The following SLX4IP variants were observed in gnomAD, a reference collection of about 807,000 sequenced individuals.
SLX4IP encodes protein SLX4IP.
In SLX4IP, 34 loss-of-function variants were observed where a neutral mutation model predicts 32.9. The ratio of observed to expected loss-of-function variants is 1.03; its 90% CI spans 0.79 to 1.38. The LOEUF is 1.38. Among genes scored for constraint, SLX4IP ranks in the 40% most tolerant of loss-of-function variants. SLX4IP has a pLI of 0.00. For missense variants in SLX4IP, 444 were observed against 479.0 expected (o/e 0.93, Z 0.68); for synonymous variants, 172 against 171.7 (o/e 1.00, Z -0.01).
At chr20:10,468,447 ACT>A (rs1204554563) in intron 2 of SLX4IP, among the ~76,000 whole-genome samples, 6 of 151,986 alleles carry the variant, frequency 3.9e-5, no homozygotes, top group African/African-American at 1.5e-4. Flanking sequence ...TCTAATCTGA[ACT>A]CTCCAGCTAG....
At chr20:10,485,863 T>C (rs907454092) in intron 2 of SLX4IP, among the ~76,000 whole-genome samples, 1 of 152,186 alleles carries the variant, frequency 6.6e-6, no homozygotes. Flanking sequence ...ATATAGTTAC[T>C]GTTTGTTAAA....
chr20:10,540,101 TTCCTTCC>T (rs759783950), intron 2 of SLX4IP, among the ~76,000 whole-genome samples: 15,942 of 88,070 alleles, frequency 0.18, 960 homozygotes, highest in South Asian at 0.3. Context: ...CTTCCTTTCC[TTCCTTCC>T]TTCCTTCCTT....
rs1416130512 is a variant in SLX4IP at position 10,623,326 on chromosome 20, A to G, written c.1174A>G (p.Thr392Ala). Residue 392 changes from threonine to alanine, a missense_variant, in exon 8 of 8, where the codon ACA (threonine) becomes GCA (alanine). Transcript: ENST00000334534. ...AGCCACAAACACTGAAAGATTATCT[A>G]CAATTCAGAACAGCCCAACCAAGAA... ...GLATNTERLS[T>A]IQNSPTKKRK... 6.8e-6 allele frequency: 11 copies of G among 1,614,102 alleles called. No homozygotes were observed. Among genetic ancestry groups the G allele is most frequent in the Middle Eastern group, 1.6e-4 (1 of 6,062 alleles).
intron 7 of SLX4IP, among the ~76,000 whole-genome samples, chr20:10,622,392 A>T (rs1433612878): frequency 6.6e-6 from 1 of 152,262 alleles, no homozygotes; most frequent in African/African-American, 2.4e-5. Flanking sequence ...CCTTAGTTAA[A>T]ATGTGAACGC....
At chr20:10,598,080 G>A (rs879759043) in intron 4 of SLX4IP, among the ~76,000 whole-genome samples, 2 of 152,114 alleles carry the variant, frequency 1.3e-5, no homozygotes, top group Non-Finnish European at 2.9e-5. Flanking sequence ...CGCAAGCTCC[G>A]ACTGAATTAT....
chr20:10,611,190 C>A (rs879484164), intron 6 of SLX4IP, among the ~76,000 whole-genome samples: 13 of 152,184 alleles, frequency 8.5e-5, no homozygotes, highest in African/African-American at 1.2e-4. Context: ...CACTTTTAAT[C>A]TGCTTTTATT....
Position 10,550,030 on chromosome 20 carries a change from T to C in SLX4IP, c.28-6201T>C, listed in dbSNP as rs116430882. Among the ~76,000 whole-genome samples the C allele has an allele frequency of 1.4e-3, 214 of 152,304 alleles. 1 individual carries two copies. The highest frequency in any genetic ancestry group is 4.4e-3 in the African/African-American group (183 of 41,570). On this transcript the variant is annotated intron_variant, in intron 2 of 7. Transcript: ENST00000334534. ...GAGGAAGCCTTTAGGAGAAACTCTT[T>C]CTAGCTGTAGTATCAGAAATGATTC...
At chr20:10,509,351 T>C (rs553074109) in intron 2 of SLX4IP, among the ~76,000 whole-genome samples, 1 of 152,212 alleles carries the variant, frequency 6.6e-6, no homozygotes, top group African/African-American at 2.4e-5. Flanking sequence ...GGAAAATGAC[T>C]GAGATCACCG....
intron 2 of SLX4IP, among the ~76,000 whole-genome samples, chr20:10,540,073 C>A (rs939952381): frequency 1.3e-5 from 2 of 149,842 alleles, no homozygotes; most frequent in Admixed American, 6.6e-5. Flanking sequence ...TCTTTCTTTT[C>A]TTTCTTTTCT....
chr20:10,486,091 T>G, intron 2 of SLX4IP, among the ~76,000 whole-genome samples: 1 of 152,098 alleles, frequency 6.6e-6, no homozygotes, highest in East Asian at 1.9e-4. Context: ...TGTTCAAGGG[T>G]TAACTGTATA....
At chr20:10,497,655 T>G (rs1600931455) in intron 2 of SLX4IP, among the ~76,000 whole-genome samples, 1 of 152,274 alleles carries the variant, frequency 6.6e-6, no homozygotes, top group South Asian at 2.1e-4. Context: ...TGAAATGATG[T>G]TTTTATTTCT....
chr20:10,602,285 C>CCT (rs141021766), intron 6 of SLX4IP, among the ~76,000 whole-genome samples: 4,042 of 147,558 alleles, frequency 0.027, 177 homozygotes, highest in African/African-American at 0.092. Context: ...TCATTTTCTC[C>CCT]CTCTCTCTCT....
At chr20:10,570,876 C>G (rs1320422266) in intron 4 of SLX4IP, among the ~76,000 whole-genome samples, 1 of 152,152 alleles carries the variant, frequency 6.6e-6, no homozygotes, top group Non-Finnish European at 1.5e-5. Flanking sequence ...GTTGCCCAGG[C>G]CAGAGTGCAG....
intron 2 of SLX4IP, among the ~76,000 whole-genome samples, chr20:10,465,680 A>G (rs937251380): frequency 1.3e-5 from 2 of 152,032 alleles, no homozygotes; most frequent in African/African-American, 4.8e-5. Context: ...TAATTTTTGT[A>G]TTTTTAGTAG....
intron 1 of SLX4IP, among the ~76,000 whole-genome samples, chr20:10,442,794 C>T (rs1283731743): frequency 2.0e-5 from 3 of 152,068 alleles, no homozygotes; most frequent in Admixed American, 6.6e-5. Flanking sequence ...TTTTTGTGTG[C>T]GTGTGTGCAC....
intron 1 of SLX4IP, among the ~76,000 whole-genome samples, chr20:10,445,727 C>G (rs1213930784): frequency 2.6e-5 from 4 of 151,238 alleles, no homozygotes; most frequent in Non-Finnish European, 5.9e-5. Flanking sequence ...TGAGTTCAAG[C>G]GATTCTCCCG....
chr20:10,594,666 A>G (rs2066749087), intron 4 of SLX4IP, among the ~76,000 whole-genome samples: 1 of 152,200 alleles, frequency 6.6e-6, no homozygotes, highest in East Asian at 1.9e-4. Context: ...ACCATTACTC[A>G]TTGGAACATG....
chr20:10,559,111 T>C (rs935563019), intron 3 of SLX4IP, among the ~76,000 whole-genome samples: 8 of 151,932 alleles, frequency 5.3e-5, no homozygotes, highest in African/African-American at 1.7e-4. Flanking sequence ...TGAAGCAAAA[T>C]TCTTTAATTG....
intron 2 of SLX4IP, among the ~76,000 whole-genome samples, chr20:10,500,130 C>A (rs200080925): frequency 1.1e-5 from 1 of 90,060 alleles, no homozygotes; most frequent in South Asian, 4.4e-4. Context: ...TGTCAAAATT[C>A]TTTTTTTTTT....
Sources: gnomAD v4.1 joint callset for allele counts (sites outside exome capture counted in the v4.1 genomes callset) on GRCh38, gnomAD v4.1.1 for gene constraint, MANE v1.5 for transcripts, NCBI Gene and HGNC (gene_info 2026-07-23, HGNC 2026-07-21) for gene names.